Variants in PCSK2 observed in about 807,000 individuals in gnomAD.
The protein encoded by PCSK2 is neuroendocrine convertase 2.
PCSK2 carries 14 observed loss-of-function variants against 69.7 expected under a neutral mutation model. The ratio of observed to expected loss-of-function variants is 0.20; its 90% CI spans 0.13 to 0.31. The LOEUF is 0.31. Among genes scored for constraint, PCSK2 ranks in the 10% least tolerant of loss-of-function variants. PCSK2 has a pLI of 1.00. For synonymous variants in PCSK2, 307 were observed against 320.7 expected, an observed-to-expected ratio of 0.96 and a Z score of 0.46; for missense variants, 544 against 842.5, an observed-to-expected ratio of 0.65 and a Z score of 4.39.
intron 8 of PCSK2, among the ~76,000 whole-genome samples, chr20:17,438,782 AAG>A (rs1467791570): frequency 2.0e-5 from 3 of 152,350 alleles, no homozygotes; most frequent in Non-Finnish European, 1.5e-5. Context: ...GCCGATGACT[AAG>A]GCAGGAGCCT....
intron 5 of PCSK2, among the ~76,000 whole-genome samples, chr20:17,374,170 GAGAT>G (rs2030855691): frequency 6.6e-6 from 1 of 152,190 alleles, no homozygotes; most frequent in African/African-American, 2.4e-5. Flanking sequence ...CAGAGGAAGA[GAGAT>G]AAATAAGACA....
At chr20:17,368,455 G>A (rs2030665267) in intron 4 of PCSK2, among the ~76,000 whole-genome samples, 1 of 152,170 alleles carries the variant, frequency 6.6e-6, no homozygotes, top group Non-Finnish European at 1.5e-5. Flanking sequence ...GCTAGATGGT[G>A]TCAAGAACCT....
At chr20:17,471,239 G>T (rs1043726190) in intron 11 of PCSK2, among the ~76,000 whole-genome samples, 1 of 152,172 alleles carries the variant, frequency 6.6e-6, no homozygotes, top group Non-Finnish European at 1.5e-5. Context: ...GGAATTTAAG[G>T]CCAGAGAGAA....
intron 2 of PCSK2, among the ~76,000 whole-genome samples, chr20:17,295,298 C>T (rs1407029830): frequency 6.6e-6 from 1 of 151,594 alleles, no homozygotes; most frequent in African/African-American, 2.4e-5. Context: ...CCATTATTAC[C>T]ACTTCCCAAG....
Position 17,480,184 on chromosome 20 carries a change from C to CTTTTTTTTTTTTTTTTTTTT in PCSK2, c.1431-1396_1431-1377dup, listed in dbSNP as rs1164266992. Among the ~76,000 whole-genome samples, 393 of 76,982 alleles carry CTTTTTTTTTTTTTTTTTTTT rather than the reference C, an allele frequency of 5.1e-3. 20 individuals are homozygous for CTTTTTTTTTTTTTTTTTTTT. Among genetic ancestry groups the CTTTTTTTTTTTTTTTTTTTT allele is most frequent in the Non-Finnish European group, 6.6e-3 (281 of 42,476 alleles). The allele number at this position is 76,982 out of a possible 152,430, so 50.5% of individuals were successfully genotyped here. A position where few individuals can be genotyped will look rare whatever the true frequency, so the allele number is the denominator to read the frequency against. Reference sequence around the variant, plus strand: ...ATTAATTTACCCATTTTCAGCTTTTCTTTTTTTTTTTTTTTTTTTTTTTGA... The same window carrying CTTTTTTTTTTTTTTTTTTTT: ...ATTAATTTACCCATTTTCAGCTTTTCTTTTTTTTTTTTTTTTTTTTTTTTTTTTTTTTTTTTTTTTTTTGA... On this transcript the variant is annotated intron_variant, in intron 11 of 11. Coordinates refer to ENST00000262545, the MANE Select transcript of PCSK2 (RefSeq NM_002594.5).
intron 2 of PCSK2, among the ~76,000 whole-genome samples, chr20:17,303,542 A>AATATAAT (rs1302334434): frequency 0.072 from 3,090 of 42,780 alleles, 131 homozygotes; most frequent in East Asian, 0.21. Flanking sequence ...TATTATATAT[A>AATATAAT]ATATGATATA....
chr20:17,298,942 T>G (rs1988987420), intron 2 of PCSK2, among the ~76,000 whole-genome samples: 2 of 152,226 alleles, frequency 1.3e-5, no homozygotes, highest in Non-Finnish European at 2.9e-5. Flanking sequence ...TACCTATTCC[T>G]ATAGTCTATG....
chr20:17,280,252 A>G (rs904303193), intron 2 of PCSK2, among the ~76,000 whole-genome samples: 5 of 152,220 alleles, frequency 3.3e-5, no homozygotes, highest in Non-Finnish European at 7.3e-5. Flanking sequence ...GTACACACAT[A>G]TTGAATTTTT....
intron 4 of PCSK2, among the ~76,000 whole-genome samples, chr20:17,363,651 A>C (rs1189424566): frequency 6.6e-6 from 1 of 152,224 alleles, no homozygotes; most frequent in Non-Finnish European, 1.5e-5. Context: ...GCATGGGTCA[A>C]GGCCCTTAGC....
intron 2 of PCSK2, among the ~76,000 whole-genome samples, chr20:17,266,787 C>A (rs1037006305): frequency 6.6e-6 from 1 of 152,146 alleles, no homozygotes; most frequent in Non-Finnish European, 1.5e-5. Flanking sequence ...GGAACCGGAC[C>A]TTTGTGCCCC....
At chr20:17,365,442 C>T (rs888563460) in intron 4 of PCSK2, among the ~76,000 whole-genome samples, 2 of 152,106 alleles carry the variant, frequency 1.3e-5, no homozygotes, top group African/African-American at 2.4e-5. Flanking sequence ...TCACCCTGCC[C>T]GCAAGCACCA....
chr20:17,388,381 T>C (rs537532803), intron 5 of PCSK2, among the ~76,000 whole-genome samples: 44 of 152,086 alleles, frequency 2.9e-4, no homozygotes, highest in African/African-American at 9.4e-4. Context: ...GGGGCTTTTC[T>C]AGGAGAAAGA....
chr20:17,448,756 C>T (rs1286551863), intron 8 of PCSK2, among the ~76,000 whole-genome samples: 1 of 152,154 alleles, frequency 6.6e-6, no homozygotes, highest in Non-Finnish European at 1.5e-5. Flanking sequence ...GTTAAGTACA[C>T]TCCATAGTAC....
intron 2 of PCSK2, among the ~76,000 whole-genome samples, chr20:17,355,394 C>G (rs1020403561): frequency 6.6e-6 from 1 of 152,086 alleles, no homozygotes; most frequent in African/African-American, 2.4e-5. Context: ...ATGGGAATCC[C>G]TCAGTGAAAG....
At chr20:17,353,324 G>C (rs2030063763) in intron 2 of PCSK2, among the ~76,000 whole-genome samples, 1 of 152,094 alleles carries the variant, frequency 6.6e-6, no homozygotes, top group Non-Finnish European at 1.5e-5. Flanking sequence ...AATTAGCTGG[G>C]CGTGGTGGCA....
At chr20:17,337,080 G>C (rs1257187114) in intron 2 of PCSK2, among the ~76,000 whole-genome samples, 1 of 96,136 alleles carries the variant, frequency 1.0e-5, no homozygotes, top group Non-Finnish European at 2.4e-5. Flanking sequence ...TTCTCCGAAA[G>C]AAAAAGCCAG....
chr20:17,309,964 T>G (rs928353279), intron 2 of PCSK2, among the ~76,000 whole-genome samples: 1 of 151,886 alleles, frequency 6.6e-6, no homozygotes, highest in African/African-American at 2.4e-5. Flanking sequence ...AGGCTCATAG[T>G]TTTGCAGGCT....
chr20:17,415,815 G>C (rs757948340), intron 6 of PCSK2, among the ~76,000 whole-genome samples: 2 of 152,096 alleles, frequency 1.3e-5, no homozygotes, highest in African/African-American at 4.8e-5. Context: ...AAACAGCATG[G>C]CACTGGTACC....
chr20:17,431,841 T>G (rs1401728337), intron 7 of PCSK2, among the ~76,000 whole-genome samples: 1 of 152,246 alleles, frequency 6.6e-6, no homozygotes, highest in African/African-American at 2.4e-5. Flanking sequence ...TTCCAAAAGT[T>G]GGCTGGTTTT....
Sources: gnomAD v4.1 joint callset for allele counts (sites outside exome capture counted in the v4.1 genomes callset) on GRCh38, gnomAD v4.1.1 for gene constraint, MANE v1.5 for transcripts, NCBI Gene and HGNC (gene_info 2026-07-23, HGNC 2026-07-21) for gene names.